CSMD1: variants seen among roughly 807,000 people sequenced by gnomAD.
The protein encoded by CSMD1 is CUB and Sushi multiple domains 1.
A neutral mutation model predicts 417.5 loss-of-function variants in CSMD1; 213 were observed. The observed-to-expected ratio is 0.51, with a 90% confidence interval of 0.46 to 0.57. The LOEUF is 0.57. Ranked by LOEUF, CSMD1 falls within the 20% of genes least tolerant of loss-of-function variation. The probability of loss-of-function intolerance (pLI) is 0.00; values close to 1 mark genes in which losing one functional copy is unlikely to be tolerated. For missense variants in CSMD1, 6,923 were observed against 4,529.7 expected, an observed-to-expected ratio of 1.53 and a Z score of -15.17; for synonymous variants, 2,862 against 1,736.8, an observed-to-expected ratio of 1.65 and a Z score of -16.11.
At chr8:3,391,670 C>G (rs1811358393) in intron 17 of CSMD1, among the ~76,000 whole-genome samples, 1 of 152,188 alleles carries the variant, frequency 6.6e-6, no homozygotes, top group Admixed American at 6.5e-5. Context: ...TTGAGCCACA[C>G]AATTCAGAAA....
intron 3 of CSMD1, among the ~76,000 whole-genome samples, chr8:4,385,421 C>A (rs1312730145): frequency 1.3e-5 from 2 of 152,174 alleles, no homozygotes; most frequent in Non-Finnish European, 2.9e-5. Flanking sequence ...TGCTACAGCA[C>A]TGATTTCACT....
At chr8:3,968,661 C>T (rs764054251) in intron 5 of CSMD1, among the ~76,000 whole-genome samples, 14 of 152,118 alleles carry the variant, frequency 9.2e-5, no homozygotes, top group African/African-American at 2.9e-4. Flanking sequence ...TCCTAAATCC[C>T]GAAAGCTGAT....
At chr8:3,638,380 T>G (rs1563222027) in intron 7 of CSMD1, among the ~76,000 whole-genome samples, 1 of 152,010 alleles carries the variant, frequency 6.6e-6, no homozygotes, top group African/African-American at 2.4e-5. Context: ...TAGCCAGGTA[T>G]CAGTTATTGG....
intron 3 of CSMD1, among the ~76,000 whole-genome samples, chr8:4,201,274 C>G (rs549508780): frequency 1.3e-5 from 2 of 152,184 alleles, no homozygotes; most frequent in Admixed American, 6.5e-5. Flanking sequence ...CGCAGTGGCT[C>G]ACGCCTGTAA....
At chr8:3,799,965 G>T (rs1448818591) in intron 5 of CSMD1, among the ~76,000 whole-genome samples, 1 of 152,104 alleles carries the variant, frequency 6.6e-6, no homozygotes, top group Non-Finnish European at 1.5e-5. Context: ...AAAATGTCTG[G>T]GGTATAAGCA....
intron 10 of CSMD1, among the ~76,000 whole-genome samples, chr8:3,508,362 C>T (rs1342960460): frequency 5.1e-5 from 6 of 117,002 alleles, no homozygotes; most frequent in African/African-American, 1.0e-4. Flanking sequence ...TGTTATGGGG[C>T]AGGGGGAGGG....
At position 4,839,180 on chromosome 8, in the gene CSMD1, C is replaced by T. The variant is rs181420524; in HGVS notation, c.85+155152G>A. Among the ~76,000 whole-genome samples, 11 of 152,254 alleles carry T rather than the reference C, an allele frequency of 7.2e-5. No individual in the cohort carries two copies. In the East Asian group the frequency reaches 1.7e-3, roughly 24 times the overall value. ...CATCCTTCTTTCCCTTCATCAGGTT[C>T]CAAGAAGGAAGCTCTGTCATGAGTC... is the stretch of plus-strand genomic sequence containing the variant. On this transcript the variant is annotated intron_variant, in intron 1 of 69. Coordinates refer to ENST00000635120, the MANE Select transcript of CSMD1 (RefSeq NM_033225.6).
chr8:3,180,670 C>G (rs547522279), intron 37 of CSMD1, among the ~76,000 whole-genome samples: 2 of 152,242 alleles, frequency 1.3e-5, no homozygotes, highest in South Asian at 2.1e-4. Context: ...GCATCTCGCT[C>G]TGTCACCCGG....
intron 3 of CSMD1, among the ~76,000 whole-genome samples, chr8:4,159,143 C>A (rs1482979813): frequency 6.6e-6 from 1 of 152,052 alleles, no homozygotes; most frequent in Non-Finnish European, 1.5e-5. Context: ...CTTGAACTCC[C>A]AACTTCAGGT....
intron 2 of CSMD1, among the ~76,000 whole-genome samples, chr8:4,486,085 C>G (rs904929393): frequency 6.8e-6 from 1 of 147,872 alleles, no homozygotes; most frequent in African/African-American, 2.5e-5. Flanking sequence ...TTCTCTTTCT[C>G]TTTCATCATA....
intron 3 of CSMD1, among the ~76,000 whole-genome samples, chr8:4,219,340 G>C (rs1207088053): frequency 6.6e-6 from 1 of 152,066 alleles, no homozygotes; most frequent in East Asian, 1.9e-4. Context: ...TTCGTAACTT[G>C]AGCTGGAATT....
intron 1 of CSMD1, among the ~76,000 whole-genome samples, chr8:4,878,714 A>G (rs1188226409): frequency 6.6e-6 from 1 of 151,988 alleles, no homozygotes; most frequent in African/African-American, 2.4e-5. Flanking sequence ...TACAGTTGAA[A>G]TGGCACCCAG....
intron 10 of CSMD1, among the ~76,000 whole-genome samples, chr8:3,554,376 T>C (rs1000023227): frequency 1.3e-5 from 2 of 151,914 alleles, no homozygotes; most frequent in African/African-American, 2.4e-5. Context: ...GTGAACCAAT[T>C]TGGGATTGAG....
At chr8:3,909,501 A>T (rs1584948621) in intron 5 of CSMD1, among the ~76,000 whole-genome samples, 1 of 152,258 alleles carries the variant, frequency 6.6e-6, no homozygotes, top group Middle Eastern at 3.4e-3. Context: ...GCTTTCTCCC[A>T]GAAGCAGGAA....
At chr8:4,114,961 T>C (rs1358450911) in intron 3 of CSMD1, among the ~76,000 whole-genome samples, 6 of 152,206 alleles carry the variant, frequency 3.9e-5, no homozygotes, top group Admixed American at 1.3e-4. Flanking sequence ...GCCATAAACA[T>C]TGTTGAAATG....
intron 5 of CSMD1, among the ~76,000 whole-genome samples, chr8:3,801,749 C>G (rs778017915): frequency 6.6e-6 from 1 of 152,026 alleles, no homozygotes; most frequent in Non-Finnish European, 1.5e-5. Context: ...TGACTCTGGA[C>G]AAACTAATAT....
chr8:4,866,326 G>A (rs1034080334), intron 1 of CSMD1, among the ~76,000 whole-genome samples: 3 of 151,930 alleles, frequency 2.0e-5, no homozygotes, highest in Non-Finnish European at 2.9e-5. Context: ...GACTTCTCCA[G>A]AGATTTCTTT....
intron 18 of CSMD1, among the ~76,000 whole-genome samples, chr8:3,370,163 C>G (rs1464172016): frequency 2.0e-5 from 3 of 152,134 alleles, no homozygotes; most frequent in Admixed American, 6.5e-5. Flanking sequence ...TGAATAGACT[C>G]CATATGCCCT....
Position 3,411,867 on chromosome 8 carries a change from T to C in CSMD1, c.1562-2262A>G, listed in dbSNP as rs367842844. On this transcript the variant is annotated intron_variant, in intron 12 of 69. Coordinates refer to ENST00000635120, the MANE Select transcript of CSMD1 (RefSeq NM_033225.6). ...ATATGCACGTATATATGCACGTATA[T>C]ATGCACGTATATATACACGTATATA... Among the ~76,000 whole-genome samples, 137 of 71,094 alleles carry C rather than the reference T, an allele frequency of 1.9e-3. 1 individual carries two copies. The highest frequency in any genetic ancestry group is 0.011 in the Middle Eastern group (1 of 90). The allele number at this position is 71,094 out of a possible 152,430, so 46.6% of individuals were successfully genotyped here. A position where few individuals can be genotyped will look rare whatever the true frequency, so the allele number is the denominator to read the frequency against.
Sources: gnomAD v4.1 joint callset for allele counts (sites outside exome capture counted in the v4.1 genomes callset) on GRCh38, gnomAD v4.1.1 for gene constraint, MANE v1.5 for transcripts, NCBI Gene and HGNC (gene_info 2026-07-23, HGNC 2026-07-21) for gene names.